The following GRIK1 variants were observed in gnomAD, a reference collection of about 807,000 sequenced individuals.
The protein encoded by GRIK1 is glutamate receptor ionotropic, kainate 1.
A neutral mutation model predicts 105.7 loss-of-function variants in GRIK1; 69 were observed. That is an observed-to-expected ratio of 0.65 (90% CI 0.54 to 0.80). The LOEUF is 0.80. Among genes scored for constraint, GRIK1 ranks in the 30% least tolerant of loss-of-function variants. The pLI is 0.00. For synonymous variants in GRIK1, 438 were observed against 431.3 expected (o/e 1.02, Z -0.19); for missense variants, 1,109 against 1,167.3 (o/e 0.95, Z 0.73).
At chr21:29,616,780 GA>G (rs536313783) in intron 7 of GRIK1, among the ~76,000 whole-genome samples, 14 of 152,108 alleles carry the variant, frequency 9.2e-5, no homozygotes, top group East Asian at 3.9e-4. Context: ...CTGTGAGTGA[GA>G]AAAAAAACTG....
At chr21:29,550,859 G>C (rs1262477116) in intron 16 of GRIK1, among the ~76,000 whole-genome samples, 1 of 152,056 alleles carries the variant, frequency 6.6e-6, no homozygotes, top group African/African-American at 2.4e-5. Flanking sequence ...CATTTTCTAT[G>C]CCATGATTTT....
At chr21:29,759,389 A>T (rs2065448022) in intron 1 of GRIK1, among the ~76,000 whole-genome samples, 1 of 152,150 alleles carries the variant, frequency 6.6e-6, no homozygotes, top group Admixed American at 6.5e-5. Context: ...AAGTGCTGGG[A>T]TTACAGGCGT....
chr21:29,701,075 A>C (rs1320210436), intron 1 of GRIK1, among the ~76,000 whole-genome samples: 1 of 152,222 alleles, frequency 6.6e-6, no homozygotes, highest in African/African-American at 2.4e-5. Context: ...ACTTCAATTC[A>C]TGGTTATATA....
chr21:29,829,610 C>T (rs1001156524), intron 1 of GRIK1, among the ~76,000 whole-genome samples: 1 of 152,122 alleles, frequency 6.6e-6, no homozygotes, highest in African/African-American at 2.4e-5. Flanking sequence ...TCTAAATGAT[C>T]GATTCTGCCA....
rs183937806 is a variant in GRIK1, at chr21:29,538,278, G to A, written c.2608-394C>T. 3.6e-3 allele frequency among the ~76,000 whole-genome samples: 546 copies of A among 152,166 alleles called. 5 individuals carry two copies. Among genetic ancestry groups the A allele is most frequent in the South Asian group, 0.014 (69 of 4,826 alleles). On this transcript the variant is annotated intron_variant, in intron 16 of 17. Transcript: ENST00000327783. ...AAAAAGTAGTTTTCTTTTTGATGAG[G>A]TCACTCTTAAAACATCCTCTAGTGA...
chr21:29,770,299 AT>A (rs1466634815), intron 1 of GRIK1, among the ~76,000 whole-genome samples: 13 of 152,198 alleles, frequency 8.5e-5, no homozygotes, highest in African/African-American at 3.1e-4. Context: ...ATGTTAGTAA[AT>A]GCCCCAATCT....
intron 1 of GRIK1, among the ~76,000 whole-genome samples, chr21:29,796,766 T>C (rs921677818): frequency 6.6e-6 from 1 of 152,088 alleles, no homozygotes; most frequent in Non-Finnish European, 1.5e-5. Flanking sequence ...CTGGCCAACA[T>C]GGTGAAACCC....
chr21:29,927,500 A>T (rs2071413393), intron 1 of GRIK1, among the ~76,000 whole-genome samples: 1 of 150,112 alleles, frequency 6.7e-6, no homozygotes. Context: ...CAATGCTTAT[A>T]ATATATATAT....
chr21:29,897,546 G>T (rs1041848083), intron 1 of GRIK1, among the ~76,000 whole-genome samples: 1 of 152,140 alleles, frequency 6.6e-6, no homozygotes, highest in Non-Finnish European at 1.5e-5. Flanking sequence ...TTTCAATAAT[G>T]ATTTAGCTTT....
chr21:29,611,469 G>A (rs1436735180), intron 7 of GRIK1, among the ~76,000 whole-genome samples: 1 of 152,122 alleles, frequency 6.6e-6, no homozygotes, highest in African/African-American at 2.4e-5. Context: ...GGAGTTAAGT[G>A]TATTTTTGGC....
intron 5 of GRIK1, among the ~76,000 whole-genome samples, chr21:29,653,133 G>C (rs563416834): frequency 6.6e-6 from 1 of 152,096 alleles, no homozygotes; most frequent in African/African-American, 2.4e-5. Context: ...AAAATCAGAG[G>C]AAAAGGATGA....
chr21:29,810,026 G>A (rs141517048), intron 1 of GRIK1, among the ~76,000 whole-genome samples: 265 of 152,182 alleles, frequency 1.7e-3, no homozygotes, highest in African/African-American at 6.1e-3. Flanking sequence ...AGCTGGGCAC[G>A]GTGGGTCATG....
At chr21:29,750,417 CA>C (rs1050977280) in intron 1 of GRIK1, among the ~76,000 whole-genome samples, 1 of 152,158 alleles carries the variant, frequency 6.6e-6, no homozygotes, top group African/African-American at 2.4e-5. Flanking sequence ...TCTGGGTCAA[CA>C]GTGACGACAG....
At chr21:29,775,876 T>C (rs560452903) in intron 1 of GRIK1, among the ~76,000 whole-genome samples, 1 of 152,358 alleles carries the variant, frequency 6.6e-6, no homozygotes, top group East Asian at 1.9e-4. Flanking sequence ...ACTTACTTTG[T>C]ATTAGTCAGT....
At chr21:29,762,840 A>C (rs745502641) in intron 1 of GRIK1, among the ~76,000 whole-genome samples, 2 of 152,246 alleles carry the variant, frequency 1.3e-5, no homozygotes, top group Non-Finnish European at 2.9e-5. Context: ...AATTCCTGTC[A>C]ACGTGTTCAA....
intron 1 of GRIK1, among the ~76,000 whole-genome samples, chr21:29,752,628 C>T (rs531166803): frequency 6.6e-6 from 1 of 152,048 alleles, no homozygotes; most frequent in East Asian, 1.9e-4. Flanking sequence ...GAGTTTGAGA[C>T]CAGCCTGAGT....
chr21:29,800,120 T>TA (rs1478251890), intron 1 of GRIK1, among the ~76,000 whole-genome samples: 1 of 152,168 alleles, frequency 6.6e-6, no homozygotes, highest in Non-Finnish European at 1.5e-5. Context: ...TTTCTGTGGG[T>TA]ACATGACAGC....
intron 16 of GRIK1, among the ~76,000 whole-genome samples, chr21:29,539,346 A>G (rs1187636239): frequency 1.3e-5 from 2 of 152,164 alleles, no homozygotes; most frequent in African/African-American, 4.8e-5. Flanking sequence ...CACTTACACT[A>G]GCCTACAGTT....
At chr21:29,686,631 C>T (rs2063491162) in intron 3 of GRIK1, among the ~76,000 whole-genome samples, 1 of 152,184 alleles carries the variant, frequency 6.6e-6, no homozygotes, top group Non-Finnish European at 1.5e-5. Flanking sequence ...TGGGTCCATT[C>T]GTTTACATAT....
Sources: gnomAD v4.1 joint callset for allele counts (sites outside exome capture counted in the v4.1 genomes callset) on GRCh38, gnomAD v4.1.1 for gene constraint, MANE v1.5 for transcripts, NCBI Gene and HGNC (gene_info 2026-07-23, HGNC 2026-07-21) for gene names.